The following CELF4 variants were observed in gnomAD, a reference collection of about 807,000 sequenced individuals.
The protein encoded by CELF4 is CUGBP Elav-like family member 4.
CELF4 carries 18 observed loss-of-function variants against 59.9 expected under a neutral mutation model. The ratio of observed to expected loss-of-function variants is 0.30; its 90% CI spans 0.21 to 0.45. The LOEUF is 0.45. Among genes scored for constraint, CELF4 ranks in the 20% least tolerant of loss-of-function variants. CELF4 has a pLI of 1.00. For missense variants in CELF4, 456 were observed against 689.0 expected (o/e 0.66, Z 3.79); for synonymous variants, 261 against 267.1 (o/e 0.98, Z 0.22).
chr18:37,403,859 C>T (rs2099355994), intron 2 of CELF4, among the ~76,000 whole-genome samples: 1 of 152,192 alleles, frequency 6.6e-6, no homozygotes, highest in Non-Finnish European at 1.5e-5. Flanking sequence ...GAGATGGTCT[C>T]AGCTACACAG....
Position 37,353,085 on chromosome 18 carries a change from A to G in CELF4, c.370-31204T>C, listed in dbSNP as rs548080507. 6.5e-4 allele frequency among the ~76,000 whole-genome samples: 99 copies of G among 151,798 alleles called. 2 individuals are homozygous for G. The highest frequency in any genetic ancestry group is 3.4e-3 in the Middle Eastern group (1 of 294). ...AAATACAAAAAATTAGCCGGGTGTG[A>G]TGGCACGTGCCTGCAGTCCCAGCTA... On this transcript the variant is annotated intron_variant, in intron 2 of 12. Transcript: ENST00000420428.
At chr18:37,493,915 T>C (rs1370481600) in intron 1 of CELF4, among the ~76,000 whole-genome samples, 1 of 152,184 alleles carries the variant, frequency 6.6e-6, no homozygotes, top group Non-Finnish European at 1.5e-5. Context: ...CTGTGTGGTA[T>C]GGGAAAATAA....
chr18:37,491,330 A>G (rs1343752141), intron 1 of CELF4, among the ~76,000 whole-genome samples: 1 of 151,956 alleles, frequency 6.6e-6, no homozygotes, highest in Non-Finnish European at 1.5e-5. Context: ...CTAATACTTG[A>G]GATTCTATCA....
chr18:37,455,300 T>C (rs758951818), intron 2 of CELF4, among the ~76,000 whole-genome samples: 3 of 152,196 alleles, frequency 2.0e-5, no homozygotes, highest in Non-Finnish European at 4.4e-5. Flanking sequence ...CCAAAGTTAA[T>C]TCTTTCTTCC....
intron 1 of CELF4, among the ~76,000 whole-genome samples, chr18:37,536,108 C>G (rs2099973261): frequency 6.6e-6 from 1 of 152,004 alleles, no homozygotes; most frequent in African/African-American, 2.4e-5. Context: ...TTGAAATTTC[C>G]CCTGACGCCT....
chr18:37,348,368 C>T (rs1020221281), intron 2 of CELF4, among the ~76,000 whole-genome samples: 3 of 152,152 alleles, frequency 2.0e-5, no homozygotes, highest in African/African-American at 2.4e-5. Context: ...TTGGTCCCTT[C>T]CTTTTTTGCC....
At chr18:37,498,464 C>G (rs533865405) in intron 1 of CELF4, among the ~76,000 whole-genome samples, 1 of 147,530 alleles carries the variant, frequency 6.8e-6, no homozygotes, top group Admixed American at 6.8e-5. Flanking sequence ...CCTCCTCTTC[C>G]CTTCCTTTTC....
chr18:37,321,193 CA>C (rs1427268291), intron 3 of CELF4, among the ~76,000 whole-genome samples: 1 of 152,132 alleles, frequency 6.6e-6, no homozygotes, highest in East Asian at 1.9e-4. Context: ...CGGTGAGCCT[CA>C]AGGTGCTGCA....
intron 1 of CELF4, among the ~76,000 whole-genome samples, chr18:37,498,288 C>G (rs1223355324): frequency 6.6e-6 from 1 of 151,672 alleles, no homozygotes; most frequent in African/African-American, 2.4e-5. Flanking sequence ...TTCCTCTCCT[C>G]TCTTCCCCTT....
intron 3 of CELF4, chr18:37,306,453 GC>G: frequency 6.6e-6 from 1 of 152,350 alleles, no homozygotes; most frequent in East Asian, 1.9e-4. Context: ...TCTTACCTCT[GC>G]CCCAGGACAG....
At chr18:37,364,836 C>T (rs1020451116) in intron 2 of CELF4, among the ~76,000 whole-genome samples, 5 of 152,182 alleles carry the variant, frequency 3.3e-5, no homozygotes, top group African/African-American at 9.7e-5. Flanking sequence ...GAAGACAGAA[C>T]CTCTGCCCTC....
intron 2 of CELF4, among the ~76,000 whole-genome samples, chr18:37,368,741 T>G (rs2098820494): frequency 6.6e-6 from 1 of 151,832 alleles, no homozygotes; most frequent in Non-Finnish European, 1.5e-5. Flanking sequence ...TCCACACGAG[T>G]GAATGAGCCC....
chr18:37,471,568 C>T (rs926448766), intron 2 of CELF4, among the ~76,000 whole-genome samples: 5 of 152,112 alleles, frequency 3.3e-5, no homozygotes, highest in Non-Finnish European at 7.3e-5. Flanking sequence ...TAGATCCTGC[C>T]GATCTTGCCC....
intron 2 of CELF4, among the ~76,000 whole-genome samples, chr18:37,469,612 C>T (rs750320406): frequency 6.6e-6 from 1 of 152,164 alleles, no homozygotes. Context: ...AAGCACATCG[C>T]ATTAGCTCAG....
intron 2 of CELF4, among the ~76,000 whole-genome samples, chr18:37,391,889 G>A (rs1409528187): frequency 6.6e-6 from 1 of 152,186 alleles, no homozygotes; most frequent in African/African-American, 2.4e-5. Flanking sequence ...CAGGCAGTCG[G>A]CACCAGGCGT....
At chr18:37,517,018 A>C (rs542728302) in intron 1 of CELF4, among the ~76,000 whole-genome samples, 5 of 152,242 alleles carry the variant, frequency 3.3e-5, no homozygotes, top group Non-Finnish European at 7.3e-5. Context: ...GGTATCACAC[A>C]GCCCTCACAT....
intron 2 of CELF4, among the ~76,000 whole-genome samples, chr18:37,378,913 T>G (rs1332066938): frequency 6.6e-6 from 1 of 152,152 alleles, no homozygotes; most frequent in African/African-American, 2.4e-5. Context: ...AGCATCTAAT[T>G]TCATGGTATC....
In CELF4 at chr18:37,547,195, T is replaced by C. The variant is rs2099981728; in HGVS notation, c.286+18161A>G. ...TGTGTGTGTGTGTGTGTGTGTATTCTCTTAATACAGCTGAGCAGGGCCATC... is the reference window on the plus strand; with the variant it reads ...TGTGTGTGTGTGTGTGTGTGTATTCCCTTAATACAGCTGAGCAGGGCCATC... On this transcript the variant is annotated intron_variant, in intron 1 of 12. Coordinates refer to ENST00000420428, the MANE Select transcript of CELF4 (RefSeq NM_020180.4). Among the ~76,000 whole-genome samples the C allele has an allele frequency of 3.7e-5, 4 of 107,306 alleles. No homozygotes were observed. The Admixed American group carries it at 4.4e-4, about 12-fold the overall frequency. 70.4% of individuals were successfully genotyped at this position (107,306 alleles called of 152,430 possible).
At chr18:37,378,040 G>A (rs2154568025) in intron 2 of CELF4, among the ~76,000 whole-genome samples, 1 of 152,222 alleles carries the variant, frequency 6.6e-6, no homozygotes, top group South Asian at 2.1e-4. Context: ...GGGCTTCCAG[G>A]AGCCTCGTGC....
Sources: allele counts gnomAD v4.1 joint callset (sites outside exome capture counted in the v4.1 genomes callset), GRCh38; gene constraint gnomAD v4.1.1; transcripts MANE v1.5; gene names NCBI Gene and HGNC (gene_info 2026-07-23, HGNC 2026-07-21).